PTPRT: variants seen among roughly 807,000 people sequenced by gnomAD.
PTPRT encodes receptor-type tyrosine-protein phosphatase T.
Under a neutral mutation model 176.8 loss-of-function variants are expected in PTPRT, and 56 were observed. The observed-to-expected ratio is 0.32, with a 90% CI of 0.26 to 0.40. PTPRT has a LOEUF of 0.40. PTPRT is among the 10% of genes least tolerant of loss of function. The pLI is 1.00. For synonymous variants in PTPRT, 783 were observed against 739.0 expected (o/e 1.06, Z -0.96); for missense variants, 1,540 against 1,908.2 (o/e 0.81, Z 3.60).
intron 25 of PTPRT, 141 bp from the exon 26 acceptor site, chr20:42,102,438 T>C: frequency 4.4e-6 from 4 of 911,614 alleles, no homozygotes; most frequent in South Asian, 3.4e-5. Context: ...CCGGGACCCA[T>C]TTCTCTTCCA....
chr20:42,666,770 T>G (rs1037326485), intron 7 of PTPRT, among the ~76,000 whole-genome samples: 5 of 152,238 alleles, frequency 3.3e-5, no homozygotes, highest in Non-Finnish European at 7.3e-5. Flanking sequence ...GTGTTTATAC[T>G]GTAATTACAT....
intron 16 of PTPRT, among the ~76,000 whole-genome samples, chr20:42,162,250 G>T (rs1261928727): frequency 6.6e-6 from 1 of 152,128 alleles, no homozygotes; most frequent in Non-Finnish European, 1.5e-5. Flanking sequence ...GGAAGCCTGG[G>T]CCTCTTCCTT....
intron 2 of PTPRT, among the ~76,000 whole-genome samples, chr20:42,855,543 T>A (rs2078547864): frequency 6.9e-6 from 1 of 145,604 alleles, no homozygotes; most frequent in Non-Finnish European, 1.5e-5. Flanking sequence ...GGGATTCTCA[T>A]GCCTCAGCCT....
chr20:42,818,111 C>T (rs1032769434), intron 2 of PTPRT, among the ~76,000 whole-genome samples: 2 of 152,128 alleles, frequency 1.3e-5, no homozygotes, highest in Admixed American at 1.3e-4. Context: ...ACAGGAGCAA[C>T]CCTACTGGCA....
chr20:42,725,983 A>T (rs2146247836), intron 6 of PTPRT, among the ~76,000 whole-genome samples: 1 of 152,002 alleles, frequency 6.6e-6, no homozygotes, highest in South Asian at 2.1e-4. Flanking sequence ...CCTTAACTCC[A>T]TCATACCAGC....
intron 8 of PTPRT, among the ~76,000 whole-genome samples, chr20:42,472,029 A>G (rs1300106118): frequency 1.3e-5 from 2 of 152,206 alleles, no homozygotes; most frequent in African/African-American, 4.8e-5. Flanking sequence ...ATGGGGGTAC[A>G]AAAGGGCCAA....
At chr20:42,731,374 T>C (rs747641414) in intron 6 of PTPRT, among the ~76,000 whole-genome samples, 4 of 152,230 alleles carry the variant, frequency 2.6e-5, no homozygotes, top group Non-Finnish European at 5.9e-5. Context: ...AGAATCTTAA[T>C]TACCGAGCAG....
intron 9 of PTPRT, among the ~76,000 whole-genome samples, chr20:42,403,331 C>T (rs989415544): frequency 1.8e-4 from 27 of 152,140 alleles, no homozygotes; most frequent in African/African-American, 6.5e-4. Context: ...GATTTTTCTT[C>T]ACAATTATAA....
chr20:42,210,496 C>T (rs2055595161), intron 15 of PTPRT, among the ~76,000 whole-genome samples: 1 of 152,150 alleles, frequency 6.6e-6, no homozygotes, highest in African/African-American at 2.4e-5. Context: ...CATTCTTATA[C>T]ACCAACAGAC....
chr20:43,167,478 C>A (rs6030680), intron 1 of PTPRT, among the ~76,000 whole-genome samples: 55,054 of 151,928 alleles, frequency 0.36, 12,989 homozygotes, highest in African/African-American at 0.65. Context: ...TCTGTGACAG[C>A]TATAGTCTAA....
chr20:42,388,084 T>C (rs1462952630), intron 9 of PTPRT, among the ~76,000 whole-genome samples: 2 of 152,162 alleles, frequency 1.3e-5, no homozygotes, highest in Non-Finnish European at 2.9e-5. Flanking sequence ...TCACCACGCC[T>C]GGCCCAGGGA....
At position 42,826,807 on chromosome 20, in the gene PTPRT, G is replaced by C. The variant is rs142262584; in HGVS notation, c.215-35341C>G. Among the ~76,000 whole-genome samples the C allele has an allele frequency of 1.2e-3, 178 of 152,252 alleles. 1 individual carries two copies. Among genetic ancestry groups the C allele is most frequent in the African/African-American group, 4.2e-3 (175 of 41,534 alleles). Reference sequence around the variant, plus strand: ...ACCAAATGGTATGCAATCTTCAAGAGACCCATCTCACATGCAATGAATGGC... The same window carrying C: ...ACCAAATGGTATGCAATCTTCAAGACACCCATCTCACATGCAATGAATGGC... On this transcript the variant is annotated intron_variant, in intron 2 of 30. Transcript: ENST00000373187.
chr20:42,701,949 T>C lies in PTPRT; in HGVS notation c.860-23790A>G, dbSNP rs547102374. 3.9e-5 allele frequency among the ~76,000 whole-genome samples: 6 copies of C among 152,234 alleles called. No homozygotes were observed. In the East Asian group the frequency reaches 9.7e-4, roughly 25 times the overall value. ...ATTCAGAGAGATATACGCAAGGCCA[T>C]AGAGGTATCAAGTGGCAAAACAGGT... On this transcript the variant is annotated intron_variant, in intron 6 of 30. Coordinates refer to ENST00000373187, the MANE Select transcript of PTPRT (RefSeq NM_007050.6).
intron 7 of PTPRT, among the ~76,000 whole-genome samples, chr20:42,601,068 T>A (rs1309478200): frequency 1.3e-5 from 2 of 152,198 alleles, no homozygotes; most frequent in African/African-American, 2.4e-5. Flanking sequence ...TTGCTGTGCC[T>A]TGTCTCAGTA....
At chr20:43,035,019 G>C (rs1268737265) in intron 1 of PTPRT, among the ~76,000 whole-genome samples, 2 of 151,360 alleles carry the variant, frequency 1.3e-5, no homozygotes, top group Non-Finnish European at 2.9e-5. Flanking sequence ...CCCACCTCCA[G>C]TGCAATGTGT....
chr20:42,655,861 C>T (rs2075116183), intron 7 of PTPRT, among the ~76,000 whole-genome samples: 1 of 152,150 alleles, frequency 6.6e-6, no homozygotes, highest in African/African-American at 2.4e-5. Flanking sequence ...GAAAAGTAGT[C>T]AGGCATAAGG....
chr20:43,124,358 G>A (rs79032170), intron 1 of PTPRT, among the ~76,000 whole-genome samples: 5,098 of 152,192 alleles, frequency 0.033, 123 homozygotes, highest in Non-Finnish European at 0.053. Context: ...TTCTTCTCAG[G>A]AGACCCCAGT....
At chr20:42,034,988 G>A in the PTPRT span, among the ~76,000 whole-genome samples, 1 of 152,124 alleles carries the variant, frequency 6.6e-6, no homozygotes, top group African/African-American at 2.4e-5. Flanking sequence ...CAGGGTTAGG[G>A]GTTCACTGAG....
rs2146049613 is a variant in PTPRT, at chr20:42,074,299, C to T, written c.*6580G>A. ...TGATTTGTATTCATAAGCCCAAAGG[C>T]ACTGAAGTAATTGTACAGAGACTCA... On this transcript the variant is annotated 3_prime_UTR_variant, in exon 31 of 31. Coordinates refer to ENST00000373187, the MANE Select transcript of PTPRT (RefSeq NM_007050.6). 1 of 230,852 alleles carries T rather than the reference C, an allele frequency of 4.3e-6. No homozygotes were observed. The highest frequency in any genetic ancestry group is 2.2e-5 in the African/African-American group (1 of 45,310). 14.3% of individuals were successfully genotyped at this position (230,852 alleles called of 1,614,324 possible).
Sources: gnomAD v4.1 joint callset for allele counts (sites outside exome capture counted in the v4.1 genomes callset) on GRCh38, gnomAD v4.1.1 for gene constraint, MANE v1.5 for transcripts, NCBI Gene and HGNC (gene_info 2026-07-23, HGNC 2026-07-21) for gene names.